STX8: variants seen among roughly 807,000 people sequenced by gnomAD.
STX8 encodes the protein syntaxin 8, also known as syntaxin-8.
STX8 carries 23 observed loss-of-function variants against 37.5 expected under a neutral mutation model. That is an observed-to-expected ratio of 0.61 (90% CI 0.44 to 0.87). The LOEUF (loss-of-function observed/expected upper bound fraction) is 0.87. STX8 is among the 40% of genes least tolerant of loss of function. STX8 has a pLI of 0.00. For missense variants in STX8, 313 were observed against 284.7 expected (o/e 1.10, Z -0.71); for synonymous variants, 115 against 99.1 (o/e 1.16, Z -0.95).
intron 7 of STX8, among the ~76,000 whole-genome samples, chr17:9,291,274 G>A (rs982265200): frequency 2.0e-5 from 3 of 151,860 alleles, no homozygotes; most frequent in African/African-American, 7.3e-5. Context: ...GTGAAACCTC[G>A]TGTCCACTAA....
intron 7 of STX8, among the ~76,000 whole-genome samples, chr17:9,279,525 T>C (rs1173878225): frequency 6.6e-6 from 1 of 152,220 alleles, no homozygotes; most frequent in Non-Finnish European, 1.5e-5. Context: ...AACTCGAACA[T>C]ATAGTCATAA....
At chr17:9,319,794 T>C (rs975341126) in intron 7 of STX8, among the ~76,000 whole-genome samples, 1 of 149,686 alleles carries the variant, frequency 6.7e-6, no homozygotes, top group African/African-American at 2.5e-5. Context: ...CTACTAAAAA[T>C]ACAAAAATTA....
At chr17:9,372,778 CAT>C (rs768021103) in intron 7 of STX8, among the ~76,000 whole-genome samples, 135 of 81,462 alleles carry the variant, frequency 1.7e-3, no homozygotes, top group Middle Eastern at 8.6e-3. Flanking sequence ...GCCCAGCCCT[CAT>C]TTTTTTTTTT....
intron 7 of STX8, among the ~76,000 whole-genome samples, chr17:9,279,708 C>T (rs187651468): frequency 6.8e-6 from 1 of 146,738 alleles, no homozygotes; most frequent in African/African-American, 2.4e-5. Context: ...AGGTCTCCCT[C>T]ATGCTGCCAA....
At chr17:9,475,750 G>C (rs910414581) in intron 6 of STX8, among the ~76,000 whole-genome samples, 3 of 152,246 alleles carry the variant, frequency 2.0e-5, no homozygotes, top group Non-Finnish European at 2.9e-5. Context: ...AAATGGTCCT[G>C]AATCGGCTTG....
intron 6 of STX8, among the ~76,000 whole-genome samples, chr17:9,468,954 C>T (rs1387683614): frequency 1.3e-5 from 2 of 152,162 alleles, no homozygotes; most frequent in East Asian, 1.9e-4. Flanking sequence ...AAAGCCCCTC[C>T]GAGGCTGCTC....
At chr17:9,346,577 T>C (rs1275656706) in intron 7 of STX8, among the ~76,000 whole-genome samples, 2 of 152,174 alleles carry the variant, frequency 1.3e-5, no homozygotes, top group Non-Finnish European at 2.9e-5. Context: ...CAACACTCAA[T>C]GGGGGGCCCC....
intron 7 of STX8, among the ~76,000 whole-genome samples, chr17:9,256,780 G>A (rs1016957932): frequency 6.6e-6 from 1 of 152,180 alleles, no homozygotes; most frequent in Non-Finnish European, 1.5e-5. Context: ...CCCCCCTGCC[G>A]GAGGGACATG....
Position 9,488,002 on chromosome 17 carries a change from C to G in STX8, c.541+3827G>C, listed in dbSNP as rs569175451. On this transcript the variant is annotated intron_variant, in intron 6 of 7. Coordinates refer to ENST00000306357, the MANE Select transcript of STX8 (RefSeq NM_004853.3). ...AAAAACTACTGATGCTTGGGCCCCA[C>G]CCCTGGAGGTTGTGATTCACTTGGT... Among the ~76,000 whole-genome samples, 272 of 152,228 alleles carry G rather than the reference C, an allele frequency of 1.8e-3. 2 individuals carry two copies. The highest frequency in any genetic ancestry group is 3.5e-3 in the Non-Finnish European group (241 of 68,008).
chr17:9,297,500 T>G (rs192369287), intron 7 of STX8, among the ~76,000 whole-genome samples: 52 of 152,298 alleles, frequency 3.4e-4, no homozygotes, highest in African/African-American at 1.1e-3. Flanking sequence ...CATCTTTTAT[T>G]TCAGCATTCG....
intron 6 of STX8, among the ~76,000 whole-genome samples, chr17:9,390,878 A>G (rs1216173646): frequency 6.6e-6 from 1 of 151,920 alleles, no homozygotes; most frequent in Admixed American, 6.6e-5. Context: ...ATTTTAAATT[A>G]AAAGACATTA....
At chr17:9,418,420 C>T (rs1041306586) in intron 6 of STX8, among the ~76,000 whole-genome samples, 1 of 151,450 alleles carries the variant, frequency 6.6e-6, no homozygotes, top group Non-Finnish European at 1.5e-5. Flanking sequence ...TAACAACATG[C>T]CAGCAGAGAC....
intron 6 of STX8, among the ~76,000 whole-genome samples, chr17:9,478,324 C>T (rs1906181134): frequency 2.6e-5 from 4 of 152,122 alleles, no homozygotes; most frequent in South Asian, 4.2e-4. Context: ...TTAGTAGAGA[C>T]GGGGTTTCGC....
At chr17:9,361,613 T>C (rs1911066035) in intron 7 of STX8, among the ~76,000 whole-genome samples, 1 of 152,220 alleles carries the variant, frequency 6.6e-6, no homozygotes. Context: ...TATTAATTAT[T>C]ATAATTTCTA....
At chr17:9,531,237 T>C (rs1905807103) in intron 4 of STX8, among the ~76,000 whole-genome samples, 1 of 148,852 alleles carries the variant, frequency 6.7e-6, no homozygotes, top group Admixed American at 6.9e-5. Context: ...TCTTAAAAAT[T>C]GTCTCAGCTT....
At chr17:9,290,628 G>A (rs1558214) in intron 7 of STX8, among the ~76,000 whole-genome samples, 74,590 of 152,084 alleles carry the variant, frequency 0.49, 18,659 homozygotes, top group Middle Eastern at 0.53. Context: ...AGCGAGGGAA[G>A]GAGGGGCCTC....
chr17:9,501,669 C>T (rs997229669), intron 5 of STX8, among the ~76,000 whole-genome samples: 1 of 151,274 alleles, frequency 6.6e-6, no homozygotes, highest in Non-Finnish European at 1.5e-5. Context: ...CCAGCCTGGG[C>T]AACAGTCTCA....
At chr17:9,476,179 A>G (rs1442208138) in intron 6 of STX8, among the ~76,000 whole-genome samples, 1 of 152,224 alleles carries the variant, frequency 6.6e-6, no homozygotes, top group Non-Finnish European at 1.5e-5. Context: ...ACTCCGTCTC[A>G]GAAAACAAAA....
At chr17:9,448,844 G>A (rs1904943900) in intron 6 of STX8, among the ~76,000 whole-genome samples, 2 of 152,154 alleles carry the variant, frequency 1.3e-5, no homozygotes, top group Non-Finnish European at 2.9e-5. Flanking sequence ...TTTCAGAAAT[G>A]ACCTTAATAC....
Sources: allele counts gnomAD v4.1 joint callset (sites outside exome capture counted in the v4.1 genomes callset), GRCh38; gene constraint gnomAD v4.1.1; transcripts MANE v1.5; gene names NCBI Gene and HGNC (gene_info 2026-07-23, HGNC 2026-07-21).